Variants in CARS2 observed in about 807,000 individuals in gnomAD.
CARS2 encodes cysteinyl-tRNA synthetase 2, mitochondrial.
In CARS2, 52 loss-of-function variants were observed where a neutral mutation model predicts 68.8. The observed-to-expected ratio is 0.76, with a 90% CI of 0.61 to 0.95. CARS2 has a LOEUF of 0.95. Among genes scored for constraint, CARS2 ranks in the 40% least tolerant of loss-of-function variants. CARS2 has a pLI of 0.00. For synonymous variants in CARS2, 314 were observed against 303.6 expected, an observed-to-expected ratio of 1.03 and a Z score of -0.36; for missense variants, 780 against 754.2, an observed-to-expected ratio of 1.03 and a Z score of -0.40.
intron 6 of CARS2, among the ~76,000 whole-genome samples, chr13:110,678,899 A>C (rs954589123): frequency 1.3e-5 from 2 of 152,152 alleles, no homozygotes; most frequent in African/African-American, 4.8e-5. Flanking sequence ...GCACTCCAAC[A>C]TATGGACACG....
At chr13:110,697,109 C>A (rs1047764463) in intron 3 of CARS2, among the ~76,000 whole-genome samples, 1 of 152,222 alleles carries the variant, frequency 6.6e-6, no homozygotes, top group Non-Finnish European at 1.5e-5. Context: ...ATGAGAGGCA[C>A]GAAGCTACCA....
intron 2 of CARS2, among the ~76,000 whole-genome samples, chr13:110,702,947 T>A (rs1355521699): frequency 6.6e-6 from 1 of 152,184 alleles, no homozygotes; most frequent in East Asian, 1.9e-4. Flanking sequence ...ATGATTCATT[T>A]GCTAAGAGTC....
chr13:110,689,731 G>A (rs1338894815), intron 3 of CARS2, among the ~76,000 whole-genome samples: 1 of 152,188 alleles, frequency 6.6e-6, no homozygotes, highest in African/African-American at 2.4e-5. Context: ...ACAGCACCTA[G>A]CACATAGCTG....
intron 8 of CARS2, chr13:110,664,287 G>A (rs754104957): frequency 1.5e-5 from 11 of 755,256 alleles, no homozygotes; most frequent in South Asian, 1.2e-4. Flanking sequence ...TGGAAGGACC[G>A]CTTGAGCCCA....
At chr13:110,664,500 G>C (rs2062593332) in intron 8 of CARS2, 1 of 706,276 alleles carries the variant, frequency 1.4e-6, no homozygotes, top group Non-Finnish European at 1.7e-6. Context: ...CTGGGCCACA[G>C]AGCGAGACTC....
chr13:110,705,645 T>G lies in CARS2; in HGVS notation c.225-74A>C. On this transcript the variant is annotated intron_variant, in intron 1 of 14. Transcript: ENST00000257347. This position sits in a 1 kb window ranked among gnomAD's most constrained non-coding sequence, Gnocchi z 4.0. The stretch of plus-strand genomic sequence containing the variant: ...GACATTCGATTCTGAGTTATAATGA[T>G]CATATAATTTTTAAAGTAATCACTT... 2 of 1,499,086 alleles carry G rather than the reference T, an allele frequency of 1.3e-6. No homozygotes were observed. Among genetic ancestry groups the G allele is most frequent in the Non-Finnish European group, 1.9e-6 (2 of 1,079,084 alleles). 92.9% of individuals were successfully genotyped at this position (1,499,086 alleles called of 1,614,324 possible). A position where few individuals can be genotyped will look rare whatever the true frequency, so the allele number is the denominator to read the frequency against.
At position 110,676,825 on chromosome 13, in the gene CARS2, C is replaced by T. The variant is rs941222765; in HGVS notation, c.785+149G>A. On this transcript the variant is annotated intron_variant, in intron 7 of 14. Transcript: ENST00000257347. This position sits in a 1 kb window ranked among gnomAD's most constrained non-coding sequence, Gnocchi z 4.0. ...GTTTCGTTCACCCCGTTCCATGGCC[C>T]GTCACACTCCGGCAAAAATCTCTTC... 1.1e-5 allele frequency: 11 copies of T among 1,033,526 alleles called. No individual in the cohort carries two copies. Among genetic ancestry groups the T allele is most frequent in the Middle Eastern group, 3.3e-4 (1 of 2,994 alleles). 64.0% of individuals were successfully genotyped at this position (1,033,526 alleles called of 1,614,324 possible).
At chr13:110,703,697 A>G (rs1359559211) in intron 2 of CARS2, among the ~76,000 whole-genome samples, 2 of 152,256 alleles carry the variant, frequency 1.3e-5, no homozygotes, top group African/African-American at 2.4e-5. Context: ...TTACAACTCA[A>G]GAAAATTTCA....
intron 8 of CARS2, 157 bp from the exon 9 acceptor site, chr13:110,663,675 G>T (rs1480730597): frequency 1.0e-5 from 14 of 1,405,028 alleles, no homozygotes; most frequent in Non-Finnish European, 1.2e-5. Context: ...CTTCACCCGT[G>T]CTGGGCCTTC....
At chr13:110,697,768 C>T (rs1378150562) in intron 3 of CARS2, 3 of 336,914 alleles carry the variant, frequency 8.9e-6, no homozygotes, top group South Asian at 4.6e-5. Flanking sequence ...AAAACAAAAG[C>T]ATATATGTTC....
chr13:110,688,027 G>A lies in CARS2; in HGVS notation c.394-9C>T, dbSNP rs1317745997. On this transcript the variant is annotated splice_polypyrimidine_tract_variant and intron_variant, in intron 3 of 14. Coordinates refer to ENST00000257347, the MANE Select transcript of CARS2 (RefSeq NM_024537.4). ...GCGGGGGAAATATTCATCTGCAGAA[G>A]GATTAGATGTGCACGTTAATGAGTC... is the stretch of plus-strand genomic sequence containing the variant. The A allele has an allele frequency of 8.8e-6, 14 of 1,598,188 alleles. No individual in the cohort carries two copies. Among genetic ancestry groups the A allele is most frequent in the African/African-American group, 1.3e-5 (1 of 74,652 alleles).
At chr13:110,684,643 G>A (rs1000753316) in intron 5 of CARS2, among the ~76,000 whole-genome samples, 2 of 151,576 alleles carry the variant, frequency 1.3e-5, no homozygotes, top group African/African-American at 2.4e-5. Flanking sequence ...TGGTCATTCA[G>A]GGTTGACCAT....
At chr13:110,657,165 A>G (rs1464790205) in intron 9 of CARS2, among the ~76,000 whole-genome samples, 1 of 151,836 alleles carries the variant, frequency 6.6e-6, no homozygotes, top group Non-Finnish European at 1.5e-5. Flanking sequence ...AGAGAGGAAA[A>G]TAAAGAGCTA....
upstream of CARS2, among the ~76,000 whole-genome samples, chr13:110,706,887 C>G (rs1403807556): frequency 6.6e-6 from 1 of 150,606 alleles, no homozygotes. Context: ...ACAGTGCACC[C>G]CGATACACAG....
intron 7 of CARS2, 47 bp from the exon 8 acceptor site, chr13:110,667,520 T>G: frequency 6.3e-7 from 1 of 1,584,932 alleles, no homozygotes; most frequent in Non-Finnish European, 8.6e-7. Context: ...TCAAGCAACA[T>G]ATTTTCTTCT....
intron 6 of CARS2, among the ~76,000 whole-genome samples, chr13:110,681,989 T>C (rs916783723): frequency 1.2e-4 from 19 of 152,206 alleles, no homozygotes; most frequent in African/African-American, 4.6e-4. Context: ...GATGCTGGAA[T>C]GGTGGAAACA....
chr13:110,711,366 C>A (rs2064026017), upstream of CARS2, among the ~76,000 whole-genome samples: 1 of 152,188 alleles, frequency 6.6e-6, no homozygotes, highest in African/African-American at 2.4e-5. Flanking sequence ...GCACGCGCCA[C>A]CATGCCCTGC....
intron 10 of CARS2, chr13:110,648,276 C>CTGAT (rs1304906735): frequency 2.0e-5 from 3 of 152,186 alleles, no homozygotes; most frequent in Admixed American, 2.0e-4. Flanking sequence ...TATTCGGGGA[C>CTGAT]TGATAGAGTT....
At chr13:110,679,602 AGAGAG>A (rs1283329296) in intron 6 of CARS2, among the ~76,000 whole-genome samples, 3,816 of 100,062 alleles carry the variant, frequency 0.038, 117 homozygotes, top group African/African-American at 0.077. Flanking sequence ...AAAGAAAGAG[AGAGAG>A]AGAGAGAGAG....
Sources: gnomAD v4.1 joint callset for allele counts (sites outside exome capture counted in the v4.1 genomes callset) on GRCh38, gnomAD v4.1.1 for gene constraint, Gnocchi (gnomAD v3.1) non-coding constraint, MANE v1.5 for transcripts, NCBI Gene and HGNC (gene_info 2026-07-23, HGNC 2026-07-21) for gene names.